Variants in TNRC6A observed in about 807,000 individuals in gnomAD.
TNRC6A encodes trinucleotide repeat-containing gene 6A protein.
A neutral mutation model predicts 221.2 loss-of-function variants in TNRC6A; 44 were observed. The observed-to-expected ratio is 0.20, with a 90% CI of 0.16 to 0.26. The LOEUF (loss-of-function observed/expected upper bound fraction) is 0.26. Ranked by LOEUF, TNRC6A falls within the 10% of genes least tolerant of loss-of-function variation. The pLI, the probability that TNRC6A is intolerant of heterozygous loss-of-function variation, is 1.00. For synonymous variants in TNRC6A, 847 were observed against 838.5 expected, an observed-to-expected ratio of 1.01 and a Z score of -0.18; for missense variants, 2,199 against 2,404.4, an observed-to-expected ratio of 0.91 and a Z score of 1.79.
At position 24,822,093 on chromosome 16, in the gene TNRC6A, G is replaced by A. The variant is rs2058777061; in HGVS notation, c.5319G>A (p.Glu1773=). The A allele has an allele frequency of 1.2e-6, 2 of 1,614,022 alleles. No homozygotes were observed. Among genetic ancestry groups the A allele is most frequent in the Non-Finnish European group, 1.7e-6 (2 of 1,180,018 alleles). ...ARYTPGSSWG[E]SSSGRITNWL... is the part of the protein sequence containing the mutation. ...CTTGTTTAGGTTCCAGCTGGGGTGAGAGCAGCTCAGGGAGAATAACAAATT... is the reference window on the plus strand; with the variant it reads ...CTTGTTTAGGTTCCAGCTGGGGTGAAAGCAGCTCAGGGAGAATAACAAATT... Residue 1773 remains glutamate, a synonymous_variant, in exon 23 of 25, where the codon GAG becomes GAA. Coordinates refer to ENST00000395799, the MANE Select transcript of TNRC6A (RefSeq NM_014494.4).
At chr16:24,657,391 A>G (rs1466675327) in intron 2 of TNRC6A, among the ~76,000 whole-genome samples, 1 of 151,800 alleles carries the variant, frequency 6.6e-6, no homozygotes, top group Non-Finnish European at 1.5e-5. Context: ...AGACTTATCA[A>G]GGAAAATAGA....
intron 2 of TNRC6A, among the ~76,000 whole-genome samples, chr16:24,700,730 T>C (rs1326453647): frequency 6.6e-6 from 1 of 152,152 alleles, no homozygotes; most frequent in Non-Finnish European, 1.5e-5. Flanking sequence ...GCCAGTGAGA[T>C]GCTGTCCTTA....
At chr16:24,812,933 T>C (rs1487922387) in intron 18 of TNRC6A, among the ~76,000 whole-genome samples, 1 of 134,324 alleles carries the variant, frequency 7.4e-6, no homozygotes, top group Non-Finnish European at 1.5e-5. Context: ...TGGAGTGCAG[T>C]GGCACAATCT....
At chr16:24,786,334 TG>T (rs1322980421) in intron 5 of TNRC6A, among the ~76,000 whole-genome samples, 8 of 152,160 alleles carry the variant, frequency 5.3e-5, no homozygotes, top group South Asian at 2.1e-4. Flanking sequence ...TGTTTTGTTT[TG>T]TTTTTTTTGA....
intron 1 of TNRC6A, chr16:24,640,777 A>G (rs1901910455): frequency 6.6e-6 from 1 of 152,140 alleles, no homozygotes; most frequent in Non-Finnish European, 1.5e-5. Context: ...GGAGTTGCAC[A>G]TGGGTTTGTG....
At chr16:24,775,031 T>C (rs2057689936) in intron 4 of TNRC6A, among the ~76,000 whole-genome samples, 1 of 152,196 alleles carries the variant, frequency 6.6e-6, no homozygotes, top group Non-Finnish European at 1.5e-5. Context: ...GGGGCACACA[T>C]GGATGTGGAG....
intron 2 of TNRC6A, among the ~76,000 whole-genome samples, chr16:24,736,341 A>G (rs1187752887): frequency 6.6e-6 from 1 of 152,192 alleles, no homozygotes; most frequent in East Asian, 1.9e-4. Flanking sequence ...AGGGCATTCT[A>G]CCTGACAGCA....
At chr16:24,797,329 T>G (rs1286850684) in intron 9 of TNRC6A, among the ~76,000 whole-genome samples, 161 bp from the exon 10 acceptor site, 3 of 152,184 alleles carry the variant, frequency 2.0e-5, no homozygotes, top group African/African-American at 7.2e-5. Context: ...ATCAAATAAG[T>G]TGATTTTTAA....
At position 24,641,759 on chromosome 16, in the gene TNRC6A, G is replaced by T. The variant is rs1596577175; in HGVS notation, n.402+750G>T. Among the ~76,000 whole-genome samples the T allele has an allele frequency of 2.0e-5, 3 of 152,130 alleles. No individual in the cohort carries two copies. The East Asian group carries it at 5.8e-4, about 29-fold the overall frequency. ...ACCCCTCTGAATATTCTGGGTTATG[G>T]TTTCTTTTTCATTCATTCGATGATT... On this transcript the variant is annotated intron_variant and non_coding_transcript_variant, in intron 2 of 2. Transcript: ENST00000566108.
At chr16:24,732,490 G>GGT (rs1424982523) in intron 2 of TNRC6A, among the ~76,000 whole-genome samples, 2 of 152,164 alleles carry the variant, frequency 1.3e-5, no homozygotes, top group African/African-American at 4.8e-5. Context: ...AACCCTGTGA[G>GGT]GTAGGTAGTA....
Position 24,782,969 on chromosome 16 carries a change from A to G in TNRC6A, c.589+5611A>G, listed in dbSNP as rs1209936102. Among the ~76,000 whole-genome samples the G allele has an allele frequency of 2.0e-5, 3 of 152,234 alleles. No individual in the cohort carries two copies. The South Asian group carries it at 6.2e-4, about 32-fold the overall frequency. ...ACTCCTTGGAAACATTGTAAAACAT[A>G]AATATTATTTACTTTCGAAGCTCTT... is the stretch of plus-strand genomic sequence containing the variant. On this transcript the variant is annotated intron_variant, in intron 5 of 24. Coordinates refer to ENST00000395799, the MANE Select transcript of TNRC6A (RefSeq NM_014494.4).
chr16:24,816,598 A>C (rs1188379209), intron 19 of TNRC6A: 2 of 529,440 alleles, frequency 3.8e-6, no homozygotes, highest in African/African-American at 3.8e-5. Context: ...ATTCACATTC[A>C]GTGAGATGAT....
At chr16:24,669,114 A>G (rs74013293) in intron 2 of TNRC6A, among the ~76,000 whole-genome samples, 4,431 of 152,266 alleles carry the variant, frequency 0.029, 214 homozygotes, top group African/African-American at 0.099. Context: ...TTAAATAAAT[A>G]ACAATGTGAG....
At chr16:24,821,816 C>T in intron 22 of TNRC6A, 1 of 505,360 alleles carries the variant, frequency 2.0e-6, no homozygotes, top group South Asian at 3.1e-5. Flanking sequence ...AAGATGCAGC[C>T]TTTTGTGGCT....
intron 2 of TNRC6A, among the ~76,000 whole-genome samples, chr16:24,745,633 T>C (rs1293998551): frequency 1.3e-5 from 2 of 152,056 alleles, no homozygotes; most frequent in Admixed American, 1.3e-4. Context: ...TAAAGCAAAA[T>C]AGAGACACCT....
rs1363581533 is a variant in TNRC6A at position 24,730,146 on chromosome 16, C to A, written c.6-107C>A. The A allele has an allele frequency of 4.3e-5, 48 of 1,128,534 alleles. No homozygotes were observed. In the East Asian group the frequency reaches 1.2e-3, roughly 29 times the overall value. 69.9% of individuals were successfully genotyped at this position (1,128,534 alleles called of 1,614,324 possible). ...CCTCCCCCCGTCCTCTCCCCTCCCCCATCCGGCCCCGGCGCGAGCCTCTGC... is the reference window on the plus strand; with the variant it reads ...CCTCCCCCCGTCCTCTCCCCTCCCCAATCCGGCCCCGGCGCGAGCCTCTGC... On this transcript the variant is annotated intron_variant, in intron 1 of 24. Transcript: ENST00000395799.
chr16:24,638,822 T>C (rs1342211208), intron 1 of TNRC6A, among the ~76,000 whole-genome samples: 3 of 152,222 alleles, frequency 2.0e-5, no homozygotes, highest in African/African-American at 7.2e-5. Flanking sequence ...ACTAAAGCAA[T>C]AACTATTTCT....
At chr16:24,741,689 A>G (rs1460546740) in intron 2 of TNRC6A, among the ~76,000 whole-genome samples, 2 of 152,180 alleles carry the variant, frequency 1.3e-5, no homozygotes, top group African/African-American at 4.8e-5. Context: ...TTGTACAATA[A>G]TAATTGTTTT....
Position 24,815,261 on chromosome 16 carries a change from G to A in TNRC6A, c.4787G>A (p.Arg1596His), listed in dbSNP as rs765375243. The change falls in exon 19 of 25, where the codon CGT becomes CAT. Residue 1596 changes from arginine to histidine, a missense_variant. Transcript: ENST00000395799. ...GGTTCAATAGGAGATGGCTGGCCAC[G>A]TGCCAAATCGCCTAACGGCTCTAGC... Reference protein sequence around the residue: ...PPGSIGDGWPRAKSPNGSSSV... With the variant: ...PPGSIGDGWPHAKSPNGSSSV... The A allele has an allele frequency of 1.4e-5, 23 of 1,614,096 alleles. 1 individual carries two copies. Among genetic ancestry groups the A allele is most frequent in the South Asian group, 3.3e-5 (3 of 91,094 alleles).
Sources: allele counts gnomAD v4.1 joint callset (sites outside exome capture counted in the v4.1 genomes callset), GRCh38; gene constraint gnomAD v4.1.1; transcripts MANE v1.5; gene names NCBI Gene and HGNC (gene_info 2026-07-23, HGNC 2026-07-21).